Variants in TRIM44 observed in about 807,000 individuals in gnomAD.
TRIM44 encodes tripartite motif containing 44.
A neutral mutation model predicts 37.4 loss-of-function variants in TRIM44; 13 were observed. The ratio of observed to expected loss-of-function variants is 0.35; its 90% CI spans 0.23 to 0.55. The LOEUF (loss-of-function observed/expected upper bound fraction) is 0.55, where lower values mean the gene tolerates loss of function less well. Among genes scored for constraint, TRIM44 ranks in the 20% least tolerant of loss-of-function variants. The pLI is 0.89. For missense variants in TRIM44, 426 were observed against 437.2 expected (o/e 0.97, Z 0.23); for synonymous variants, 175 against 157.2 (o/e 1.11, Z -0.85).
At chr11:35,685,387 C>T in intron 2 of TRIM44, 51 bp downstream of exon 2, 1 of 1,479,968 alleles carries the variant, frequency 6.8e-7, no homozygotes, top group Non-Finnish European at 9.4e-7. Context: ...GCATTTCATT[C>T]TCCTTGAGCT....
chr11:35,709,898 A>G (rs1451743679), intron 2 of TRIM44, among the ~76,000 whole-genome samples: 1 of 152,236 alleles, frequency 6.6e-6, no homozygotes, highest in Non-Finnish European at 1.5e-5. Flanking sequence ...GGCAGCCCCC[A>G]GAATCACAGC....
chr11:35,663,248 A>G lies in TRIM44; in HGVS notation c.137A>G (p.Glu46Gly), dbSNP rs1851292603. ...CGFCYCRRHA[E>G]AHRQKFLSHH... is the part of the protein sequence containing the mutation. ...TTCTGCTACTGCCGCCGCCATGCCGAGGCGCACAGGCAGAAGTTCCTCAGT... is the reference window on the plus strand; with the variant it reads ...TTCTGCTACTGCCGCCGCCATGCCGGGGCGCACAGGCAGAAGTTCCTCAGT... Residue 46 changes from glutamate to glycine, a missense_variant, in exon 1 of 5, where the codon GAG becomes GGG. Physicochemically the swap from Glu to Gly is moderately conservative, Grantham distance 98. This residue lies in a region of TRIM44 where 331 missense variants were observed against 303.0 expected (regional missense o/e 1.09). Transcript: ENST00000299413. The G allele has an allele frequency of 3.7e-6, 6 of 1,609,554 alleles. No homozygotes were observed. The highest frequency in any genetic ancestry group is 2.2e-5 in the East Asian group (1 of 44,720).
intron 3 of TRIM44, among the ~76,000 whole-genome samples, chr11:35,730,262 GTGAATTTGAAGATAGATTGATAC>G (rs1852239108): frequency 6.6e-6 from 1 of 152,164 alleles, no homozygotes; most frequent in African/African-American, 2.4e-5. Context: ...GAAAGATTTG[GTGAATTTGAAGATAGATTGATAC>G]TGATCCAATC....
At chr11:35,666,446 A>G (rs1851333380) in intron 1 of TRIM44, among the ~76,000 whole-genome samples, 1 of 152,206 alleles carries the variant, frequency 6.6e-6, no homozygotes, top group South Asian at 2.1e-4. Context: ...TTTATAAGCC[A>G]ATATAGGGAG....
intron 2 of TRIM44, among the ~76,000 whole-genome samples, chr11:35,704,743 C>T (rs933996996): frequency 6.6e-6 from 1 of 152,170 alleles, no homozygotes; most frequent in Non-Finnish European, 1.5e-5. Flanking sequence ...GCCTGCCTTA[C>T]AAGAGCTCCT....
At chr11:35,745,173 T>G (rs544249835) in intron 4 of TRIM44, among the ~76,000 whole-genome samples, 22 of 152,308 alleles carry the variant, frequency 1.4e-4, no homozygotes, top group African/African-American at 5.1e-4. Flanking sequence ...TTGAAGTAAT[T>G]TACACTCCCA....
At chr11:35,683,662 A>G (rs1851543684) in intron 1 of TRIM44, among the ~76,000 whole-genome samples, 1 of 152,120 alleles carries the variant, frequency 6.6e-6, no homozygotes, top group South Asian at 2.1e-4. Flanking sequence ...TCATTGGTGA[A>G]ATGAATGTTC....
At chr11:35,687,616 T>C (rs1851596951) in intron 2 of TRIM44, among the ~76,000 whole-genome samples, 1 of 152,210 alleles carries the variant, frequency 6.6e-6, no homozygotes, top group Non-Finnish European at 1.5e-5. Flanking sequence ...ACACTGAGTG[T>C]TCTCTGTGTA....
chr11:35,762,792 C>T (rs1852746211), intron 4 of TRIM44, among the ~76,000 whole-genome samples: 1 of 152,150 alleles, frequency 6.6e-6, no homozygotes, highest in Non-Finnish European at 1.5e-5. Flanking sequence ...AGCTATATAA[C>T]TTTAGACCTA....
chr11:35,710,976 A>G (rs1851963156), intron 2 of TRIM44, among the ~76,000 whole-genome samples: 3 of 152,216 alleles, frequency 2.0e-5, no homozygotes, highest in Non-Finnish European at 2.9e-5. Flanking sequence ...TCTATATGAA[A>G]TGTTCAGAAT....
intron 3 of TRIM44, among the ~76,000 whole-genome samples, chr11:35,729,390 A>G (rs1414540656): frequency 6.6e-6 from 1 of 152,124 alleles, no homozygotes; most frequent in Non-Finnish European, 1.5e-5. Flanking sequence ...TAATGAGTGG[A>G]ACCCATCTCC....
Position 35,685,359 on chromosome 11 carries a change from T to G in TRIM44, c.747+23T>G, listed in dbSNP as rs1245214225. 4.4e-6 allele frequency: 7 copies of G among 1,601,290 alleles called. No homozygotes were observed. The East Asian group carries it at 1.3e-4, about 31-fold the overall frequency. ...AAAGTAAGTATTGTTTGGAATTGATTGGGTGTTGGTACCCCAAGCATTTCA... is the reference window on the plus strand; with the variant it reads ...AAAGTAAGTATTGTTTGGAATTGATGGGGTGTTGGTACCCCAAGCATTTCA... On this transcript the variant is annotated intron_variant, in intron 2 of 4. Coordinates refer to ENST00000299413, the MANE Select transcript of TRIM44 (RefSeq NM_017583.6).
At chr11:35,683,191 A>G (rs772165212) in intron 1 of TRIM44, among the ~76,000 whole-genome samples, 5 of 152,152 alleles carry the variant, frequency 3.3e-5, no homozygotes, top group African/African-American at 1.2e-4. Context: ...CCTTTTGTCA[A>G]CTGTCTGCTA....
In TRIM44 at chr11:35,810,966, T is replaced by A. The variant is rs1209945209; in HGVS notation, c.*4581T>A. The A allele has an allele frequency of 6.6e-6, 1 of 152,232 alleles. No individual in the cohort carries two copies. The highest frequency in any genetic ancestry group is 2.4e-5 in the African/African-American group (1 of 41,460). The allele number at this position is 152,232 out of a possible 1,614,324, so 9.4% of individuals were successfully genotyped here. A position where few individuals can be genotyped will look rare whatever the true frequency, so the allele number is the denominator to read the frequency against. On this transcript the variant is annotated 3_prime_UTR_variant, in exon 5 of 5. Transcript: ENST00000299413. ...ATCATTTTCATACTGTAAATTATTT[T>A]GTAAGAGAGATTTACTGCTATCCCA...
At chr11:35,726,586 A>C (rs1852177919) in intron 3 of TRIM44, among the ~76,000 whole-genome samples, 1 of 152,082 alleles carries the variant, frequency 6.6e-6, no homozygotes, top group Non-Finnish European at 1.5e-5. Flanking sequence ...CATAGTGAAA[A>C]GGTGTCTCAA....
At chr11:35,759,268 A>G (rs997932772) in intron 4 of TRIM44, among the ~76,000 whole-genome samples, 9 of 152,116 alleles carry the variant, frequency 5.9e-5, no homozygotes, top group African/African-American at 1.9e-4. Flanking sequence ...CATCACTGAT[A>G]CCCTTTCTAC....
At chr11:35,776,752 T>C (rs1051795724) in intron 4 of TRIM44, among the ~76,000 whole-genome samples, 1 of 152,216 alleles carries the variant, frequency 6.6e-6, no homozygotes, top group African/African-American at 2.4e-5. Flanking sequence ...AGTTTCCATA[T>C]AGTTGAGTGG....
intron 1 of TRIM44, among the ~76,000 whole-genome samples, chr11:35,680,737 C>T (rs1851512773): frequency 6.6e-6 from 1 of 152,228 alleles, no homozygotes; most frequent in East Asian, 1.9e-4. Flanking sequence ...TTTTATATAT[C>T]CATCAACAAC....
At chr11:35,797,200 A>G (rs759861494) in intron 4 of TRIM44, among the ~76,000 whole-genome samples, 5 of 152,216 alleles carry the variant, frequency 3.3e-5, no homozygotes, top group Non-Finnish European at 7.3e-5. Flanking sequence ...GACCCAACTA[A>G]CAGAGCACTC....
Sources: gnomAD v4.1 joint callset for allele counts (sites outside exome capture counted in the v4.1 genomes callset) on GRCh38, gnomAD v4.1.1 for gene constraint, gnomAD v4.1.1 regional missense constraint, MANE v1.5 for transcripts, NCBI Gene and HGNC (gene_info 2026-07-23, HGNC 2026-07-21) for gene names.